Variants in SEC22A observed in about 807,000 individuals in gnomAD.
SEC22A encodes the protein vesicle-trafficking protein SEC22a.
SEC22A carries 22 observed loss-of-function variants against 35.3 expected under a neutral mutation model. The observed-to-expected ratio is 0.62, with a 90% confidence interval of 0.45 to 0.89. The LOEUF is 0.89. Ranked by LOEUF, SEC22A falls within the 40% of genes least tolerant of loss-of-function variation. SEC22A has a pLI of 0.00. For missense variants in SEC22A, 354 were observed against 362.5 expected (o/e 0.98, Z 0.19); for synonymous variants, 119 against 129.5 (o/e 0.92, Z 0.55).
chr3:123,230,732 G>T (rs1206776654), intron 4 of SEC22A, among the ~76,000 whole-genome samples: 1 of 146,632 alleles, frequency 6.8e-6, no homozygotes. Flanking sequence ...GTGAAGGAGG[G>T]ATAGAGCCAA....
At chr3:123,268,141 A>G (rs904796182) in intron 6 of SEC22A, among the ~76,000 whole-genome samples, 1 of 152,152 alleles carries the variant, frequency 6.6e-6, no homozygotes, top group Admixed American at 6.5e-5. Context: ...TAGGCTCTCA[A>G]CATTTGATGG....
intron 2 of SEC22A, among the ~76,000 whole-genome samples, chr3:123,213,343 AC>A (rs1377636966): frequency 1.3e-5 from 2 of 152,182 alleles, no homozygotes; most frequent in African/African-American, 4.8e-5. Context: ...TCACACCACA[AC>A]TGTTTTTCTA....
chr3:123,241,086 A>G (rs1165384285), intron 4 of SEC22A, among the ~76,000 whole-genome samples: 3 of 151,352 alleles, frequency 2.0e-5, no homozygotes, highest in East Asian at 1.9e-4. Flanking sequence ...TTTTTTCTCT[A>G]AAGTATTATG....
intron 4 of SEC22A, among the ~76,000 whole-genome samples, chr3:123,241,002 TACACACACACACACAC>T (rs35775511): frequency 1.2e-4 from 17 of 142,676 alleles, no homozygotes; most frequent in South Asian, 4.7e-4. Flanking sequence ...CTCTCTTTCT[TACACACACACACACAC>T]ACACACACAC....
chr3:123,252,577 A>G (rs6777204), intron 5 of SEC22A, among the ~76,000 whole-genome samples: 5,931 of 152,238 alleles, frequency 0.039, 353 homozygotes, highest in African/African-American at 0.14. Context: ...TATAGACATT[A>G]AAGCTTACTT....
intron 4 of SEC22A, among the ~76,000 whole-genome samples, chr3:123,227,099 A>G (rs149253990): frequency 4.8e-4 from 73 of 152,318 alleles, no homozygotes; most frequent in African/African-American, 1.6e-3. Flanking sequence ...AAGGAATACT[A>G]TCGTCAACAG....
intron 2 of SEC22A, among the ~76,000 whole-genome samples, chr3:123,211,633 A>G (rs1404283524): frequency 6.6e-6 from 1 of 152,020 alleles, no homozygotes; most frequent in African/African-American, 2.4e-5. Context: ...TAATTTTTTT[A>G]TTTTTAGTAG....
chr3:123,206,517 T>A (rs1167525089), intron 1 of SEC22A, among the ~76,000 whole-genome samples: 1 of 152,190 alleles, frequency 6.6e-6, no homozygotes, highest in Non-Finnish European at 1.5e-5. Flanking sequence ...CTTAAGGGGA[T>A]AGAGTAAGAC....
intron 2 of SEC22A, among the ~76,000 whole-genome samples, chr3:123,218,635 TC>T (rs1285675022): frequency 6.6e-6 from 1 of 152,144 alleles, no homozygotes; most frequent in African/African-American, 2.4e-5. Context: ...ACCTGAACCC[TC>T]AATAAAGCCT....
chr3:123,267,443 C>T (rs1482549230), intron 6 of SEC22A, among the ~76,000 whole-genome samples: 2 of 152,012 alleles, frequency 1.3e-5, no homozygotes, highest in African/African-American at 2.4e-5. Context: ...ATGGTCTTCT[C>T]GTGTCAATAT....
intron 4 of SEC22A, among the ~76,000 whole-genome samples, chr3:123,237,682 C>T (rs1205351418): frequency 6.6e-6 from 1 of 152,070 alleles, no homozygotes; most frequent in Non-Finnish European, 1.5e-5. Flanking sequence ...AGGTATATAA[C>T]CTAAATTAGG....
intron 6 of SEC22A, 43 bp downstream of exon 6, chr3:123,259,632 T>C (rs368281008): frequency 1.6e-5 from 21 of 1,304,012 alleles, no homozygotes; most frequent in Non-Finnish European, 2.2e-5. Flanking sequence ...CCATTATTGT[T>C]TACTTCGGGT....
chr3:123,240,079 G>A (rs1937501578), intron 4 of SEC22A, among the ~76,000 whole-genome samples: 2 of 152,176 alleles, frequency 1.3e-5, no homozygotes, highest in South Asian at 4.1e-4. Flanking sequence ...GGTTGGTAGT[G>A]TGAGTCTGGA....
intron 5 of SEC22A, among the ~76,000 whole-genome samples, chr3:123,250,782 T>G (rs1206072358): frequency 1.3e-5 from 2 of 152,188 alleles, no homozygotes; most frequent in Non-Finnish European, 2.9e-5. Flanking sequence ...GCCTGCCAGC[T>G]CAGCCCAAGT....
chr3:123,207,953 A>G (rs535243838), intron 1 of SEC22A, among the ~76,000 whole-genome samples: 3 of 152,344 alleles, frequency 2.0e-5, no homozygotes, highest in Non-Finnish European at 2.9e-5. Context: ...TAAAAGTAGT[A>G]TATGTCTACT....
At chr3:123,235,977 A>C (rs927585056) in intron 4 of SEC22A, among the ~76,000 whole-genome samples, 1 of 152,222 alleles carries the variant, frequency 6.6e-6, no homozygotes, top group Non-Finnish European at 1.5e-5. Context: ...TTCTCTTTAT[A>C]TGGAATGTCC....
At chr3:123,271,382 C>G (rs1335725314) in intron 6 of SEC22A, 140 bp from the exon 7 acceptor site, 2 of 651,354 alleles carry the variant, frequency 3.1e-6, no homozygotes, top group African/African-American at 3.6e-5. Flanking sequence ...TAGATATATG[C>G]TACATTATCT....
In SEC22A at chr3:123,271,610, A is replaced by G. The variant is rs1185024134; in HGVS notation, c.812A>G (p.Tyr271Cys). The change falls in exon 7 of 7, where the codon TAT becomes TGT. Residue 271 changes from tyrosine to cysteine, a missense_variant. Coordinates refer to ENST00000492595, the MANE Select transcript of SEC22A (RefSeq NM_012430.5). ...ATCTGTCTATGCAACATGTATCTCT[A>G]TGAACTGCGCAACCTCTGGCAGCTT... is the stretch of plus-strand genomic sequence containing the variant. ...GLICLCNMYL[Y>C]ELRNLWQLFF... 5.0e-6 allele frequency: 8 copies of G among 1,614,142 alleles called. No individual in the cohort carries two copies. The highest frequency in any genetic ancestry group is 6.8e-6 in the Non-Finnish European group (8 of 1,180,012).
intron 5 of SEC22A, among the ~76,000 whole-genome samples, chr3:123,258,078 T>C (rs775176364): frequency 1.3e-5 from 2 of 151,784 alleles, no homozygotes; most frequent in Non-Finnish European, 2.9e-5. Context: ...AAAACTATAG[T>C]ATCCAATTGT....
Sources: allele counts gnomAD v4.1 joint callset (sites outside exome capture counted in the v4.1 genomes callset), GRCh38; gene constraint gnomAD v4.1.1; transcripts MANE v1.5; gene names NCBI Gene and HGNC (gene_info 2026-07-23, HGNC 2026-07-21).